SLC36A1: variants seen among roughly 807,000 people sequenced by gnomAD.
SLC36A1 encodes proton-coupled amino acid transporter 1.
Under a neutral mutation model 47.5 loss-of-function variants are expected in SLC36A1, and 30 were observed. That is an observed-to-expected ratio of 0.63 (90% CI 0.47 to 0.86). The LOEUF is 0.86. Ranked by LOEUF, SLC36A1 falls within the 40% of genes least tolerant of loss-of-function variation. The pLI is 0.00. For synonymous variants in SLC36A1, 255 were observed against 249.7 expected (o/e 1.02, Z -0.20); for missense variants, 517 against 606.0 (o/e 0.85, Z 1.54).
the SLC36A1 span, among the ~76,000 whole-genome samples, chr5:151,407,534 C>T: frequency 4.0e-5 from 6 of 151,222 alleles, no homozygotes; most frequent in Admixed American, 2.0e-4. Flanking sequence ...TGCTTACAAA[C>T]CTTTAGCTAG....
chr5:151,492,936 C>T (rs866944869), downstream of SLC36A1, among the ~76,000 whole-genome samples: 1 of 152,108 alleles, frequency 6.6e-6, no homozygotes, highest in East Asian at 1.9e-4. Context: ...GCAGACTTGC[C>T]GACTCATACG....
chr5:151,408,554 TA>T, the SLC36A1 span, among the ~76,000 whole-genome samples: 2 of 152,266 alleles, frequency 1.3e-5, no homozygotes, highest in South Asian at 4.2e-4. Flanking sequence ...TCATTTCCAT[TA>T]ATAGAAGAGA....
chr5:151,485,437 G>T (rs1333799990), intron 10 of SLC36A1, among the ~76,000 whole-genome samples: 1 of 152,186 alleles, frequency 6.6e-6, no homozygotes, highest in Non-Finnish European at 1.5e-5. Flanking sequence ...GGCTGATCGT[G>T]TGCTGGGTTC....
intron 7 of SLC36A1, among the ~76,000 whole-genome samples, chr5:151,468,845 T>C (rs1284381669): frequency 6.6e-6 from 1 of 152,158 alleles, no homozygotes; most frequent in Non-Finnish European, 1.5e-5. Context: ...AGATAAGTAA[T>C]TCCTTATCAA....
the SLC36A1 span, among the ~76,000 whole-genome samples, chr5:151,551,976 GGTGTGTGTGT>G: frequency 9.8e-5 from 14 of 143,558 alleles, no homozygotes; most frequent in Admixed American, 4.2e-4. Flanking sequence ...TAACCCTAAG[GGTGTGTGTGT>G]GTGTGTGTGT....
upstream of SLC36A1, among the ~76,000 whole-genome samples, chr5:151,443,479 T>C (rs2127442377): frequency 2.0e-5 from 3 of 152,352 alleles, no homozygotes; most frequent in South Asian, 6.2e-4. Context: ...TTTGGAGAAA[T>C]GTTTATTCAG....
chr5:151,428,002 G>C, the SLC36A1 span, among the ~76,000 whole-genome samples: 3 of 152,232 alleles, frequency 2.0e-5, no homozygotes, highest in Non-Finnish European at 4.4e-5. Flanking sequence ...AGATCCCTGG[G>C]ACACAGCTAC....
At chr5:151,438,710 C>A (rs1045498078) in intron 1 of SLC36A1, among the ~76,000 whole-genome samples, 1 of 152,186 alleles carries the variant, frequency 6.6e-6, no homozygotes, top group African/African-American at 2.4e-5. Flanking sequence ...CTCTGCAGGT[C>A]TCTGTCACTG....
At chr5:151,436,613 C>T (rs1042403356), upstream of SLC36A1, among the ~76,000 whole-genome samples, 2 of 151,998 alleles carry the variant, frequency 1.3e-5, no homozygotes, top group African/African-American at 4.8e-5. Flanking sequence ...GAACAAATGC[C>T]TCTGTCTCTC....
the SLC36A1 span, among the ~76,000 whole-genome samples, chr5:151,497,875 C>T: frequency 6.6e-6 from 1 of 151,476 alleles, no homozygotes; most frequent in Admixed American, 6.6e-5. Flanking sequence ...TTGCCCACCT[C>T]AGCTGCCAGG....
chr5:151,436,552 T>C (rs73796581), upstream of SLC36A1, among the ~76,000 whole-genome samples: 3,775 of 150,230 alleles, frequency 0.025, 184 homozygotes, highest in African/African-American at 0.09. Flanking sequence ...TCTATGTGAG[T>C]GGTCACAGGA....
chr5:151,540,092 G>C, the SLC36A1 span, among the ~76,000 whole-genome samples: 1 of 152,238 alleles, frequency 6.6e-6, no homozygotes, highest in African/African-American at 2.4e-5. Context: ...ATTGGGCATG[G>C]CTGGCTGTAT....
the SLC36A1 span, among the ~76,000 whole-genome samples, chr5:151,422,509 T>C: frequency 1.3e-5 from 2 of 151,800 alleles, no homozygotes; most frequent in South Asian, 4.2e-4. Flanking sequence ...AACGGCAGAG[T>C]ATTCAGTCTT....
chr5:151,387,668 C>G, the SLC36A1 span, among the ~76,000 whole-genome samples: 1 of 152,168 alleles, frequency 6.6e-6, no homozygotes, highest in Admixed American at 6.5e-5. Context: ...GTGGCACAAT[C>G]CTAGCTCTCT....
chr5:151,510,001 G>T, the SLC36A1 span: 1 of 1,611,372 alleles, frequency 6.2e-7, no homozygotes, highest in Non-Finnish European at 8.5e-7. Flanking sequence ...CCCATGGCAG[G>T]TGGCCTCTCC....
the SLC36A1 span, chr5:151,554,776 C>G: frequency 3.3e-6 from 3 of 912,130 alleles, no homozygotes; most frequent in East Asian, 7.5e-5. Context: ...TTGGTATGAG[C>G]TTGTACTTTT....
At chr5:151,509,973 G>A in the SLC36A1 span, 30 of 1,594,920 alleles carry the variant, frequency 1.9e-5, no homozygotes, top group East Asian at 4.0e-4. Context: ...AGTACAGAGC[G>A]CATTCCCTAA....
chr5:151,421,402 C>T, the SLC36A1 span, among the ~76,000 whole-genome samples: 1 of 151,452 alleles, frequency 6.6e-6, no homozygotes, highest in African/African-American at 2.4e-5. Flanking sequence ...CCACCACACT[C>T]AGCTAGTTCT....
chr5:151,391,838 A>G, the SLC36A1 span, among the ~76,000 whole-genome samples: 1 of 152,202 alleles, frequency 6.6e-6, no homozygotes, highest in African/African-American at 2.4e-5. Flanking sequence ...ATCAATGTTC[A>G]TCAGGGATAT....
Sources: gnomAD v4.1 joint callset for allele counts (sites outside exome capture counted in the v4.1 genomes callset) on GRCh38, gnomAD v4.1.1 for gene constraint, MANE v1.5 for transcripts, NCBI Gene and HGNC (gene_info 2026-07-23, HGNC 2026-07-21) for gene names.